The following EXOC4 variants were observed in gnomAD, a reference collection of about 807,000 sequenced individuals.
EXOC4 encodes exocyst complex component 4.
A neutral mutation model predicts 107.2 loss-of-function variants in EXOC4; 71 were observed. The ratio of observed to expected loss-of-function variants is 0.66; its 90% CI spans 0.55 to 0.81. EXOC4 has a LOEUF of 0.81. Ranked by LOEUF, EXOC4 falls within the 30% of genes least tolerant of loss-of-function variation. The probability of loss-of-function intolerance (pLI) is 0.00; values close to 1 mark genes in which losing one functional copy is unlikely to be tolerated. For missense variants in EXOC4, 1,108 were observed against 1,189.6 expected (o/e 0.93, Z 1.01); for synonymous variants, 456 against 441.2 (o/e 1.03, Z -0.42).
intron 17 of EXOC4, among the ~76,000 whole-genome samples, chr7:134,055,601 A>G (rs1414371456): frequency 6.6e-6 from 1 of 152,092 alleles, no homozygotes; most frequent in Non-Finnish European, 1.5e-5. Context: ...TAAATACAGA[A>G]AGCCCATTAC....
chr7:134,057,232 A>G (rs146624777), intron 17 of EXOC4, among the ~76,000 whole-genome samples: 13 of 152,314 alleles, frequency 8.5e-5, no homozygotes, highest in East Asian at 1.9e-4. Flanking sequence ...CTCCCAGGCT[A>G]TCTTTACCTC....
intron 10 of EXOC4, among the ~76,000 whole-genome samples, chr7:133,638,875 AT>A (rs143533111): frequency 0.074 from 11,238 of 151,700 alleles, 457 homozygotes; most frequent in Middle Eastern, 0.13. Context: ...TTTATCAATT[AT>A]TTTTTTTTAT....
intron 8 of EXOC4, among the ~76,000 whole-genome samples, chr7:133,476,319 A>G (rs1477032878): frequency 6.6e-6 from 1 of 152,148 alleles, no homozygotes; most frequent in Non-Finnish European, 1.5e-5. Context: ...TAATTTACAG[A>G]AGGTCTCATA....
At chr7:133,400,675 C>T (rs1037837775) in intron 7 of EXOC4, among the ~76,000 whole-genome samples, 1 of 152,168 alleles carries the variant, frequency 6.6e-6, no homozygotes, top group Non-Finnish European at 1.5e-5. Flanking sequence ...TTGACTTTTT[C>T]TCCCAATTTT....
At chr7:133,304,228 C>G (rs1272655785) in intron 3 of EXOC4, among the ~76,000 whole-genome samples, 1 of 152,196 alleles carries the variant, frequency 6.6e-6, no homozygotes, top group Non-Finnish European at 1.5e-5. Context: ...TTAATGCATC[C>G]TCTTTCTCTG....
At chr7:133,602,771 C>G in intron 9 of EXOC4, among the ~76,000 whole-genome samples, 1 of 152,200 alleles carries the variant, frequency 6.6e-6, no homozygotes, top group East Asian at 1.9e-4. Context: ...GGCCTTTCTT[C>G]TTGACAGGTG....
At chr7:133,955,556 C>G (rs1190015920) in intron 14 of EXOC4, among the ~76,000 whole-genome samples, 3 of 152,222 alleles carry the variant, frequency 2.0e-5, no homozygotes, top group Non-Finnish European at 4.4e-5. Flanking sequence ...TAAGTTCCCA[C>G]TCTGGTCCAT....
rs778238555 is a variant in EXOC4, at chr7:133,817,363, C to T, written c.1553C>T (p.Pro518Leu). The change falls in exon 11 of 18, where the codon CCA becomes CTA. Residue 518 changes from proline (P) to leucine (L), a missense_variant. Coordinates refer to ENST00000253861, the MANE Select transcript of EXOC4 (RefSeq NM_021807.4). ...QEIEHALGLG[P>L]AKQCPLREFL... is the part of the protein sequence containing the mutation. Reference sequence around the variant, plus strand: ...ATTGAGCATGCTCTGGGTCTTGGCCCAGCCAAACAGTGTCCTCTTCGAGAG... The same window carrying T: ...ATTGAGCATGCTCTGGGTCTTGGCCTAGCCAAACAGTGTCCTCTTCGAGAG... The T allele has an allele frequency of 1.2e-6, 2 of 1,614,040 alleles. No homozygotes were observed. Among genetic ancestry groups the T allele is most frequent in the East Asian group, 2.2e-5 (1 of 44,862 alleles).
At chr7:133,910,202 G>A (rs775054505) in intron 12 of EXOC4, among the ~76,000 whole-genome samples, 3 of 152,160 alleles carry the variant, frequency 2.0e-5, no homozygotes, top group Non-Finnish European at 4.4e-5. Context: ...GATTACAGGC[G>A]TCAACCACTG....
chr7:133,930,215 T>C (rs1800145879), intron 13 of EXOC4, among the ~76,000 whole-genome samples: 3 of 152,202 alleles, frequency 2.0e-5, no homozygotes, highest in African/African-American at 7.2e-5. Context: ...CACTGTATCA[T>C]GCATGTTATA....
At chr7:133,256,521 C>T (rs934056609) in intron 1 of EXOC4, among the ~76,000 whole-genome samples, 7 of 152,092 alleles carry the variant, frequency 4.6e-5, no homozygotes, top group Non-Finnish European at 1.0e-4. Flanking sequence ...AATAAATTAC[C>T]GACAGTTAGA....
chr7:133,632,964 T>C (rs1197546652), intron 10 of EXOC4, among the ~76,000 whole-genome samples: 1 of 152,170 alleles, frequency 6.6e-6, no homozygotes, highest in African/African-American at 2.4e-5. Flanking sequence ...ATGTACAGGA[T>C]TGCAAATTTC....
chr7:133,454,846 C>T (rs1190370457), intron 7 of EXOC4, among the ~76,000 whole-genome samples: 1 of 152,136 alleles, frequency 6.6e-6, no homozygotes, highest in Non-Finnish European at 1.5e-5. Flanking sequence ...TGTCTGTAAT[C>T]CCAGCACTTT....
At chr7:133,313,258 T>C (rs1477939133) in intron 4 of EXOC4, among the ~76,000 whole-genome samples, 1 of 152,162 alleles carries the variant, frequency 6.6e-6, no homozygotes, top group Non-Finnish European at 1.5e-5. Context: ...TTTTTACTTT[T>C]ATACCCTTTA....
chr7:134,012,004 C>T (rs1794779169), intron 17 of EXOC4, among the ~76,000 whole-genome samples: 1 of 152,114 alleles, frequency 6.6e-6, no homozygotes, highest in African/African-American at 2.4e-5. Context: ...GGGAGGCATA[C>T]ACTTAACATC....
intron 10 of EXOC4, among the ~76,000 whole-genome samples, chr7:133,634,048 T>G (rs900921293): frequency 2.0e-5 from 3 of 152,178 alleles, no homozygotes; most frequent in African/African-American, 7.2e-5. Context: ...ATATTGACAA[T>G]TCCAACCACC....
At chr7:134,085,350 C>CT in the EXOC4 span, among the ~76,000 whole-genome samples, 8 of 150,826 alleles carry the variant, frequency 5.3e-5, no homozygotes, top group Non-Finnish European at 1.2e-4. Flanking sequence ...AAAAAACCAA[C>CT]TTTTTTTAAA....
intron 9 of EXOC4, among the ~76,000 whole-genome samples, chr7:133,565,905 A>T (rs1800897259): frequency 6.6e-6 from 1 of 152,192 alleles, no homozygotes; most frequent in Admixed American, 6.5e-5. Flanking sequence ...GTATGTTGAC[A>T]ATCATTTACA....
At chr7:133,909,239 G>T (rs769269616) in intron 12 of EXOC4, among the ~76,000 whole-genome samples, 21 of 152,328 alleles carry the variant, frequency 1.4e-4, no homozygotes, top group Non-Finnish European at 2.5e-4. Flanking sequence ...TAAAGGTGAA[G>T]AAGTGAATTG....
Sources: gnomAD v4.1 joint callset for allele counts (sites outside exome capture counted in the v4.1 genomes callset) on GRCh38, gnomAD v4.1.1 for gene constraint, MANE v1.5 for transcripts, NCBI Gene and HGNC (gene_info 2026-07-23, HGNC 2026-07-21) for gene names.